DACH2: variants seen among roughly 807,000 people sequenced by gnomAD.
The protein encoded by DACH2 is dachshund homolog 2.
A neutral mutation model predicts 35.8 loss-of-function variants in DACH2; 17 were observed. The ratio of observed to expected loss-of-function variants is 0.48; its 90% CI spans 0.33 to 0.71. The LOEUF (loss-of-function observed/expected upper bound fraction) is 0.71, where lower values mean the gene tolerates loss of function less well. Among genes scored for constraint, DACH2 ranks in the 30% least tolerant of loss-of-function variants. DACH2 has a pLI of 0.02. For missense variants in DACH2, 469 were observed against 472.7 expected, an observed-to-expected ratio of 0.99 and a Z score of 0.07; for synonymous variants, 195 against 177.3, an observed-to-expected ratio of 1.10 and a Z score of -0.79.
chrX:86,771,158 G>T (rs1186326388), intron 7 of DACH2, among the ~76,000 whole-genome samples: 3 of 112,933 alleles, frequency 2.7e-5, no homozygotes, highest in African/African-American at 9.6e-5. Flanking sequence ...AAGTCAGTTT[G>T]CTGATGAGGA....
chrX:86,230,964 T>G (rs2032935984), intron 1 of DACH2, among the ~76,000 whole-genome samples: 2 of 112,495 alleles, frequency 1.8e-5, no homozygotes, highest in Admixed American at 1.9e-4. Context: ...CTTTTGTACT[T>G]TTAAAAATTT....
intron 1 of DACH2, among the ~76,000 whole-genome samples, chrX:86,233,894 T>C (rs777750843): frequency 3.1e-4 from 35 of 111,855 alleles, no homozygotes; most frequent in Admixed American, 2.6e-3. Flanking sequence ...ACACTGCCCC[T>C]GTGACTCAAA....
At chrX:86,241,038 G>T (rs1196417174) in intron 1 of DACH2, among the ~76,000 whole-genome samples, 2 of 111,407 alleles carry the variant, frequency 1.8e-5, no homozygotes, top group Admixed American at 1.9e-4. Flanking sequence ...ATAGCAGTGG[G>T]AGAATGGACT....
chrX:86,623,999 G>C (rs1200780053), intron 3 of DACH2, among the ~76,000 whole-genome samples: 1 of 81,371 alleles, frequency 1.2e-5, no homozygotes, highest in Non-Finnish European at 2.3e-5. Flanking sequence ...AGTGAGTCGA[G>C]ATCGCGCCAC....
At chrX:86,480,598 A>G (rs752527326) in intron 2 of DACH2, among the ~76,000 whole-genome samples, 1 of 112,324 alleles carries the variant, frequency 8.9e-6, no homozygotes, top group African/African-American at 3.2e-5. Flanking sequence ...TATCAAGTAC[A>G]TAAACCCCAT....
chrX:86,806,345 C>A (rs920384262), intron 7 of DACH2, among the ~76,000 whole-genome samples: 3 of 110,553 alleles, frequency 2.7e-5, no homozygotes, highest in African/African-American at 9.9e-5. Context: ...ATAACCAGAT[C>A]TCTTCACTCA....
chrX:86,428,204 C>A (rs2036925375), intron 2 of DACH2, among the ~76,000 whole-genome samples: 2 of 111,260 alleles, frequency 1.8e-5, no homozygotes, highest in African/African-American at 3.3e-5. Context: ...AAGGTAGTAA[C>A]TTAAATATAA....
intron 1 of DACH2, among the ~76,000 whole-genome samples, chrX:86,311,402 C>A (rs758292654): frequency 8.9e-6 from 1 of 111,905 alleles, no homozygotes; most frequent in Non-Finnish European, 1.9e-5. Flanking sequence ...ATTGATAGAA[C>A]GGTGGAATGG....
intron 1 of DACH2, among the ~76,000 whole-genome samples, chrX:86,171,383 G>A (rs1342914678): frequency 9.0e-6 from 1 of 111,013 alleles, no homozygotes; most frequent in Non-Finnish European, 1.9e-5. Flanking sequence ...ACCACCCCCA[G>A]TCCATGTCTC....
intron 2 of DACH2, among the ~76,000 whole-genome samples, chrX:86,421,801 T>C (rs2036807529): frequency 9.0e-6 from 1 of 111,353 alleles, no homozygotes; most frequent in African/African-American, 3.3e-5. Flanking sequence ...AGAAACTTCT[T>C]AGGTATATGG....
intron 4 of DACH2, among the ~76,000 whole-genome samples, chrX:86,666,318 A>T (rs1381735460): frequency 3.6e-5 from 4 of 110,015 alleles, no homozygotes; most frequent in Non-Finnish European, 7.6e-5. Flanking sequence ...TGTGTGAGAG[A>T]GAGAGAGAGA....
Position 86,757,013 on chromosome X carries a change from T to C in DACH2, c.1240+17131T>C, listed in dbSNP as rs1161949727. Among the ~76,000 whole-genome samples the C allele has an allele frequency of 5.4e-5, 6 of 112,019 alleles. No homozygotes were observed. The East Asian group carries it at 1.7e-3, about 31-fold the overall frequency. ...ATATTTTTTATCCTCATTCTGTTGATGTATTATGTTTACTGATTTGTGTAT... is the reference window on the plus strand; with the variant it reads ...ATATTTTTTATCCTCATTCTGTTGACGTATTATGTTTACTGATTTGTGTAT... On this transcript the variant is annotated intron_variant, in intron 7 of 11. Coordinates refer to ENST00000373125, the MANE Select transcript of DACH2 (RefSeq NM_053281.3).
intron 3 of DACH2, among the ~76,000 whole-genome samples, chrX:86,535,866 G>A (rs1036366447): frequency 2.7e-5 from 3 of 111,270 alleles, no homozygotes; most frequent in Admixed American, 9.6e-5. Context: ...TTACCAGAGC[G>A]AGAAACAGAG....
At chrX:86,733,820 G>A (rs1028652125) in intron 6 of DACH2, among the ~76,000 whole-genome samples, 1 of 111,319 alleles carries the variant, frequency 9.0e-6, no homozygotes, top group African/African-American at 3.3e-5. Context: ...TGGCATTAGC[G>A]TGTGAACATC....
At chrX:86,610,828 C>A (rs1219958484) in intron 3 of DACH2, among the ~76,000 whole-genome samples, 2 of 110,956 alleles carry the variant, frequency 1.8e-5, no homozygotes, top group Non-Finnish European at 3.8e-5. Flanking sequence ...CCTTCTGGCC[C>A]AGGGCAGGTC....
intron 2 of DACH2, among the ~76,000 whole-genome samples, chrX:86,510,890 C>T (rs2038387173): frequency 9.0e-6 from 1 of 111,426 alleles, no homozygotes; most frequent in Non-Finnish European, 1.9e-5. Context: ...TGCCAAGAAA[C>T]AATTATCATT....
rs775930036 is a variant in DACH2, at chrX:86,604,528, A to C, written c.641-46508A>C. Among the ~76,000 whole-genome samples the C allele has an allele frequency of 4.5e-5, 5 of 112,081 alleles. No individual in the cohort carries two copies. The East Asian group carries it at 1.4e-3, about 31-fold the overall frequency. ...ATCATAGATTATTTTGAGTGTTTGC[A>C]TATTAGAAGACATGTATTTTATATT... On this transcript the variant is annotated intron_variant, in intron 3 of 11. Coordinates refer to ENST00000373125, the MANE Select transcript of DACH2 (RefSeq NM_053281.3).
At chrX:86,728,665 C>G (rs1377896036) in intron 6 of DACH2, among the ~76,000 whole-genome samples, 2 of 112,536 alleles carry the variant, frequency 1.8e-5, no homozygotes, top group African/African-American at 3.2e-5. Context: ...CCTTGGGACA[C>G]AGCTCCCTGC....
At chrX:86,235,529 A>G (rs1161905450) in intron 1 of DACH2, among the ~76,000 whole-genome samples, 1 of 112,326 alleles carries the variant, frequency 8.9e-6, no homozygotes, top group Non-Finnish European at 1.9e-5. Context: ...TTCTCTGCTA[A>G]CTTTGGAGCT....
Sources: gnomAD v4.1 joint callset for allele counts (sites outside exome capture counted in the v4.1 genomes callset) on GRCh38, gnomAD v4.1.1 for gene constraint, MANE v1.5 for transcripts, NCBI Gene and HGNC (gene_info 2026-07-23, HGNC 2026-07-21) for gene names.